The following ADAMTSL1 variants were observed in gnomAD, a reference collection of about 807,000 sequenced individuals.
ADAMTSL1 encodes ADAMTS like 1.
Under a neutral mutation model 201.8 loss-of-function variants are expected in ADAMTSL1, and 126 were observed. The ratio of observed to expected loss-of-function variants is 0.62; its 90% CI spans 0.54 to 0.72. The LOEUF is 0.72. ADAMTSL1 is among the 30% of genes least tolerant of loss of function. The pLI is 0.00. For synonymous variants in ADAMTSL1, 1,121 were observed against 903.4 expected (o/e 1.24, Z -4.32); for missense variants, 2,679 against 2,277.8 (o/e 1.18, Z -3.59).
At chr9:18,711,475 A>G (rs1390090283) in intron 14 of ADAMTSL1, among the ~76,000 whole-genome samples, 1 of 152,254 alleles carries the variant, frequency 6.6e-6, no homozygotes, top group East Asian at 1.9e-4. Context: ...TAGTCAAAGA[A>G]AGGGGTGACA....
At chr9:18,580,500 C>G (rs755307060) in intron 4 of ADAMTSL1, among the ~76,000 whole-genome samples, 3 of 152,102 alleles carry the variant, frequency 2.0e-5, no homozygotes, top group Non-Finnish European at 4.4e-5. Context: ...CATGGTTTTT[C>G]TTAAAATATT....
intron 1 of ADAMTSL1, among the ~76,000 whole-genome samples, chr9:18,042,844 G>A (rs1821486675): frequency 6.6e-6 from 1 of 152,114 alleles, no homozygotes; most frequent in South Asian, 2.1e-4. Context: ...AGAATGATGA[G>A]GTTGTGAGAT....
intron 1 of ADAMTSL1, among the ~76,000 whole-genome samples, chr9:17,952,383 A>G (rs940686077): frequency 1.3e-5 from 2 of 152,008 alleles, no homozygotes; most frequent in Non-Finnish European, 2.9e-5. Context: ...TCCATGTGGT[A>G]ATTTTTTGTT....
At chr9:18,839,524 T>C (rs947136332) in intron 23 of ADAMTSL1, among the ~76,000 whole-genome samples, 4 of 152,256 alleles carry the variant, frequency 2.6e-5, no homozygotes, top group East Asian at 3.9e-4. Context: ...AGCAGCATGA[T>C]TTATAGTCCT....
At chr9:18,266,136 C>T (rs947825107) in intron 2 of ADAMTSL1, among the ~76,000 whole-genome samples, 7 of 152,206 alleles carry the variant, frequency 4.6e-5, no homozygotes, top group African/African-American at 9.7e-5. Flanking sequence ...TTTACAAAGA[C>T]AGCAGGCGCC....
At chr9:18,204,000 C>G (rs1373228158) in intron 2 of ADAMTSL1, among the ~76,000 whole-genome samples, 1 of 152,160 alleles carries the variant, frequency 6.6e-6, no homozygotes, top group Non-Finnish European at 1.5e-5. Flanking sequence ...GTGAAACTTA[C>G]TGAGTCAGAA....
intron 2 of ADAMTSL1, among the ~76,000 whole-genome samples, chr9:18,530,084 C>T (rs1819346833): frequency 6.6e-6 from 1 of 152,064 alleles, no homozygotes; most frequent in Non-Finnish European, 1.5e-5. Flanking sequence ...AAGTATTTTT[C>T]TGCTTTGTTT....
intron 8 of ADAMTSL1, among the ~76,000 whole-genome samples, chr9:18,659,656 A>C (rs4451401): frequency 1.3e-5 from 2 of 152,106 alleles, no homozygotes; most frequent in South Asian, 2.1e-4. Context: ...AATCCCAGCT[A>C]CTTGGGAGGC....
chr9:18,711,375 G>A (rs1832581687), intron 14 of ADAMTSL1, among the ~76,000 whole-genome samples: 1 of 152,200 alleles, frequency 6.6e-6, no homozygotes, highest in Admixed American at 6.5e-5. Context: ...GTGGGCGCAG[G>A]TCAGTGGGTG....
At chr9:18,638,630 C>A (rs955487274) in intron 6 of ADAMTSL1, among the ~76,000 whole-genome samples, 4 of 152,000 alleles carry the variant, frequency 2.6e-5, no homozygotes, top group African/African-American at 4.8e-5. Flanking sequence ...CTATCTCAAG[C>A]AGTTATGAAA....
chr9:18,803,786 C>A (rs1354372001), intron 20 of ADAMTSL1, among the ~76,000 whole-genome samples: 18 of 152,020 alleles, frequency 1.2e-4, no homozygotes, highest in Admixed American at 1.1e-3. Context: ...TACCAATACC[C>A]CCTGGTTTGT....
chr9:18,717,859 CACAGGAAAGTCCATTTAAGAT>C (rs1833052606), intron 14 of ADAMTSL1: 2 of 764,486 alleles, frequency 2.6e-6, no homozygotes, highest in African/African-American at 3.4e-5. Context: ...AGGGTACCAC[CACAGGAAAGTCCATTTAAGAT>C]GCTGGTAGGT....
intron 2 of ADAMTSL1, among the ~76,000 whole-genome samples, chr9:18,165,384 G>A (rs1020470208): frequency 4.0e-5 from 6 of 151,820 alleles, no homozygotes; most frequent in African/African-American, 1.5e-4. Flanking sequence ...GGGACATAAT[G>A]GAATTGTCAC....
intron 1 of ADAMTSL1, among the ~76,000 whole-genome samples, chr9:17,953,577 T>C (rs953321592): frequency 6.6e-6 from 1 of 152,194 alleles, no homozygotes; most frequent in East Asian, 1.9e-4. Context: ...CCAATCACTA[T>C]GGGACTGGTT....
chr9:18,435,687 G>T (rs571856799), intron 2 of ADAMTSL1, among the ~76,000 whole-genome samples: 1 of 152,292 alleles, frequency 6.6e-6, no homozygotes, highest in African/African-American at 2.4e-5. Flanking sequence ...TCACAATGCT[G>T]ATAAAGACAT....
chr9:18,219,200 A>G (rs1830162130), intron 2 of ADAMTSL1, among the ~76,000 whole-genome samples: 2 of 151,848 alleles, frequency 1.3e-5, no homozygotes, highest in Non-Finnish European at 2.9e-5. Context: ...TTCAATTTGG[A>G]TTAGAGTTTG....
chr9:18,334,491 A>G (rs558482193), intron 2 of ADAMTSL1, among the ~76,000 whole-genome samples: 1 of 152,342 alleles, frequency 6.6e-6, no homozygotes, highest in African/African-American at 2.4e-5. Context: ...TTGCACTTTA[A>G]TTCCAAAATT....
intron 2 of ADAMTSL1, among the ~76,000 whole-genome samples, chr9:18,381,192 A>G (rs74814381): frequency 0.018 from 2,759 of 152,270 alleles, 95 homozygotes; most frequent in African/African-American, 0.063. Flanking sequence ...CTTTAGGCTA[A>G]TCACTACATT....
chr9:18,238,493 C>G (rs1303306675), intron 2 of ADAMTSL1, among the ~76,000 whole-genome samples: 1 of 152,056 alleles, frequency 6.6e-6, no homozygotes, highest in Non-Finnish European at 1.5e-5. Context: ...TGTACTGTAG[C>G]TGTTACTTAA....
Sources: allele counts gnomAD v4.1 joint callset (sites outside exome capture counted in the v4.1 genomes callset), GRCh38; gene constraint gnomAD v4.1.1; transcripts MANE v1.5; gene names NCBI Gene and HGNC (gene_info 2026-07-23, HGNC 2026-07-21).